SLC16A12: variants seen among roughly 807,000 people sequenced by gnomAD.
The protein encoded by SLC16A12 is solute carrier family 16 member 12, also known as monocarboxylate transporter 12.
In SLC16A12, 17 loss-of-function variants were observed where a neutral mutation model predicts 42.4. The observed-to-expected ratio is 0.40, with a 90% CI of 0.27 to 0.60. The LOEUF (loss-of-function observed/expected upper bound fraction) is 0.60. Among genes scored for constraint, SLC16A12 ranks in the 20% least tolerant of loss-of-function variants. SLC16A12 has a pLI of 0.42. For missense variants in SLC16A12, 544 were observed against 623.0 expected, an observed-to-expected ratio of 0.87 and a Z score of 1.35; for synonymous variants, 224 against 229.4, an observed-to-expected ratio of 0.98 and a Z score of 0.21.
intron 2 of SLC16A12, among the ~76,000 whole-genome samples, chr10:89,551,215 G>T (rs1843768528): frequency 6.6e-6 from 1 of 152,148 alleles, no homozygotes; most frequent in Admixed American, 6.6e-5. Context: ...GCCAAGGAAG[G>T]CAGATCACTT....
chr10:89,551,867 A>C (rs1843772914), intron 2 of SLC16A12, among the ~76,000 whole-genome samples: 2 of 152,252 alleles, frequency 1.3e-5, no homozygotes. Context: ...CTTTATCAGC[A>C]GCATGAAAAC....
intron 2 of SLC16A12, among the ~76,000 whole-genome samples, chr10:89,498,372 T>C (rs113678104): frequency 0.018 from 2,806 of 152,218 alleles, 60 homozygotes; most frequent in Middle Eastern, 0.017. Context: ...GTGCAATTGA[T>C]TGAGATTAAT....
intron 2 of SLC16A12, among the ~76,000 whole-genome samples, chr10:89,514,146 C>T (rs1843208017): frequency 6.6e-6 from 1 of 152,156 alleles, no homozygotes; most frequent in African/African-American, 2.4e-5. Context: ...CTGACAAGCT[C>T]ACAAGTGACG....
At chr10:89,483,616 A>G (rs1281123741) in intron 2 of SLC16A12, among the ~76,000 whole-genome samples, 1 of 152,062 alleles carries the variant, frequency 6.6e-6, no homozygotes, top group East Asian at 1.9e-4. Flanking sequence ...AGTTCCACCT[A>G]CTTAATAGGC....
rs1023917975 is a variant in SLC16A12, at chr10:89,431,894, T to C, written c.*1170A>G. The stretch of plus-strand genomic sequence containing the variant: ...CCAATGAGTAGATTTCTAATTATTA[T>C]CTATAAAGAGATGAAGAGCAGTGGA... On this transcript the variant is annotated 3_prime_UTR_variant, in exon 8 of 8. Coordinates refer to ENST00000371790, the MANE Select transcript of SLC16A12 (RefSeq NM_213606.4). The C allele has an allele frequency of 6.6e-6, 1 of 152,180 alleles. No individual in the cohort carries two copies. Among genetic ancestry groups the C allele is most frequent in the Non-Finnish European group, 1.5e-5 (1 of 68,038 alleles). 9.4% of individuals were successfully genotyped at this position (152,180 alleles called of 1,614,324 possible). A position where few individuals can be genotyped will look rare whatever the true frequency, so the allele number is the denominator to read the frequency against.
intron 2 of SLC16A12, among the ~76,000 whole-genome samples, chr10:89,515,207 T>C (rs1373621482): frequency 6.6e-6 from 1 of 152,088 alleles, no homozygotes; most frequent in African/African-American, 2.4e-5. Flanking sequence ...TGAGGACACA[T>C]GGATTTCCCA....
intron 2 of SLC16A12, among the ~76,000 whole-genome samples, chr10:89,466,417 A>G (rs1717230522): frequency 6.6e-6 from 1 of 152,176 alleles, no homozygotes. Flanking sequence ...GAACTGTTGA[A>G]CAATAATTTC....
chr10:89,525,226 A>C (rs1228679886), intron 2 of SLC16A12, among the ~76,000 whole-genome samples: 1 of 136,566 alleles, frequency 7.3e-6, no homozygotes, highest in Non-Finnish European at 1.7e-5. Flanking sequence ...ATATCAAAAA[A>C]AAAAAAAAAA....
Position 89,554,033 on chromosome 10 carries a change from GAAGAAAGAAAGAAAGAAAGAAAGA to G in SLC16A12, c.-47+1825_-47+1848del, listed in dbSNP as rs1295802200. Among the ~76,000 whole-genome samples, 551 of 67,578 alleles carry G rather than the reference GAAGAAAGAAAGAAAGAAAGAAAGA, an allele frequency of 8.2e-3. 22 individuals carry two copies. Among genetic ancestry groups the G allele is most frequent in the Admixed American group, 0.05 (297 of 5,944 alleles). 44.3% of individuals were successfully genotyped at this position (67,578 alleles called of 152,430 possible). On this transcript the variant is annotated intron_variant, in intron 2 of 2. Coordinates refer to the SLC16A12 transcript ENST00000475682. Reference sequence around the variant, plus strand: ...GAAAGAGAGAAAGAAAGAGAGAAAGGAAGAAAGAAAGAAAGAAAGAAAGAAAGAAAGAAAGAAAGAAAGAAAGAA... The same window carrying G: ...GAAAGAGAGAAAGAAAGAGAGAAAGGAAGAAAGAAAGAAAGAAAGAAAGAA...
chr10:89,492,531 G>A (rs991254702), intron 2 of SLC16A12, among the ~76,000 whole-genome samples: 1 of 152,062 alleles, frequency 6.6e-6, no homozygotes, highest in East Asian at 1.9e-4. Flanking sequence ...CTGAGGTCAG[G>A]AGTTCGAGAC....
intron 3 of SLC16A12, among the ~76,000 whole-genome samples, chr10:89,446,152 G>C (rs1486288108): frequency 6.6e-6 from 1 of 152,208 alleles, no homozygotes; most frequent in Non-Finnish European, 1.5e-5. Context: ...CAAAGTGACA[G>C]GGAGAATGGA....
At chr10:89,448,510 T>G (rs1301446739) in intron 3 of SLC16A12, among the ~76,000 whole-genome samples, 1 of 152,118 alleles carries the variant, frequency 6.6e-6, no homozygotes, top group Non-Finnish European at 1.5e-5. Context: ...AAAAACCACA[T>G]GATTATCTCA....
At chr10:89,507,446 C>T (rs960620184) in intron 2 of SLC16A12, among the ~76,000 whole-genome samples, 1 of 152,110 alleles carries the variant, frequency 6.6e-6, no homozygotes, top group Non-Finnish European at 1.5e-5. Flanking sequence ...AAGAATTTTC[C>T]ACCCAGAATT....
At chr10:89,521,444 G>A (rs1181573776) in intron 2 of SLC16A12, among the ~76,000 whole-genome samples, 2 of 152,124 alleles carry the variant, frequency 1.3e-5, no homozygotes, top group Admixed American at 6.5e-5. Flanking sequence ...AATCCTACAC[G>A]GGCAGAGGAG....
At position 89,432,942 on chromosome 10, in the gene SLC16A12, AC is replaced by A; in HGVS notation, c.*121del. The A allele has an allele frequency of 7.6e-7, 1 of 1,322,960 alleles. No homozygotes were observed. The allele number at this position is 1,322,960 out of a possible 1,614,324, so 82.0% of individuals were successfully genotyped here. A position where few individuals can be genotyped will look rare whatever the true frequency, so the allele number is the denominator to read the frequency against. The stretch of plus-strand genomic sequence containing the variant: ...TTATAAATATTAATATGTTAACAAA[AC>A]AATAATAATAATTTCCTTGGAAGGC... On this transcript the variant is annotated 3_prime_UTR_variant, in exon 8 of 8. Transcript: ENST00000371790.
intron 2 of SLC16A12, among the ~76,000 whole-genome samples, chr10:89,464,047 C>G (rs926347777): frequency 6.6e-6 from 1 of 152,218 alleles, no homozygotes; most frequent in Non-Finnish European, 1.5e-5. Context: ...TAGCCACTCT[C>G]ACTCTCCCAC....
intron 2 of SLC16A12, among the ~76,000 whole-genome samples, chr10:89,491,442 C>T (rs1033306125): frequency 7.3e-5 from 11 of 151,396 alleles, no homozygotes; most frequent in African/African-American, 1.2e-4. Flanking sequence ...TTAACAAGTG[C>T]GCATACCAAG....
chr10:89,462,051 G>A (rs1323700229), intron 3 of SLC16A12, among the ~76,000 whole-genome samples: 1 of 152,128 alleles, frequency 6.6e-6, no homozygotes, highest in Non-Finnish European at 1.5e-5. Flanking sequence ...AAGACTCCAG[G>A]TTTAAATATC....
At position 89,433,175 on chromosome 10, in the gene SLC16A12, A is replaced by C. The variant is rs1247307463; in HGVS notation, c.1440T>G (p.Pro480=). Residue 480 remains proline, a synonymous_variant, in exon 8 of 8, where the codon CCT becomes CCG. Transcript: ENST00000371790. ...ATCCATTGGTCCATAGCTGCAGCTTAGGATCAGATTCTTTGGCAATGAACT... is the reference window on the plus strand; with the variant it reads ...ATCCATTGGTCCATAGCTGCAGCTTCGGATCAGATTCTTTGGCAATGAACT... The part of the protein sequence containing the change: ...QLQFIAKESD[P]KLQLWTNGSV... 6.2e-7 allele frequency: 1 copy of C among 1,614,214 alleles called. No individual in the cohort carries two copies.
Sources: gnomAD v4.1 joint callset for allele counts (sites outside exome capture counted in the v4.1 genomes callset) on GRCh38, gnomAD v4.1.1 for gene constraint, MANE v1.5 for transcripts, NCBI Gene and HGNC (gene_info 2026-07-23, HGNC 2026-07-21) for gene names.